The following TEK variants were observed in gnomAD, a reference collection of about 807,000 sequenced individuals.
The protein encoded by TEK is TEK receptor tyrosine kinase.
Under a neutral mutation model 131.8 loss-of-function variants are expected in TEK, and 43 were observed. The ratio of observed to expected loss-of-function variants is 0.33; its 90% CI spans 0.26 to 0.42. The LOEUF is 0.42. Ranked by LOEUF, TEK falls within the 10% of genes least tolerant of loss-of-function variation. The pLI, the probability that TEK is intolerant of heterozygous loss-of-function variation, is 1.00. For missense variants in TEK, 1,162 were observed against 1,384.4 expected (o/e 0.84, Z 2.55); for synonymous variants, 580 against 491.6 (o/e 1.18, Z -2.38).
intron 4 of TEK, among the ~76,000 whole-genome samples, chr9:27,170,374 C>T (rs564014666): frequency 2.6e-5 from 4 of 152,210 alleles, no homozygotes; most frequent in South Asian, 4.1e-4. Flanking sequence ...TACGGTGGCT[C>T]ATGCCTGTAA....
intron 1 of TEK, among the ~76,000 whole-genome samples, chr9:27,142,711 A>G (rs562349665): frequency 1.6e-4 from 25 of 152,344 alleles, no homozygotes; most frequent in African/African-American, 5.8e-4. Flanking sequence ...ACTGTGCCCA[A>G]CTTTGTTAGG....
chr9:27,183,052 A>C (rs1327297750), intron 7 of TEK, among the ~76,000 whole-genome samples: 1 of 152,176 alleles, frequency 6.6e-6, no homozygotes, highest in African/African-American at 2.4e-5. Context: ...TGAGTGGAGG[A>C]AGAACTAGTT....
intron 1 of TEK, among the ~76,000 whole-genome samples, chr9:27,112,931 A>G (rs1413548152): frequency 6.6e-6 from 1 of 152,266 alleles, no homozygotes; most frequent in Non-Finnish European, 1.5e-5. Context: ...CACAAAAGTC[A>G]TGGAAGACAA....
At chr9:27,204,471 C>A (rs594949) in intron 13 of TEK, among the ~76,000 whole-genome samples, 4 of 151,942 alleles carry the variant, frequency 2.6e-5, no homozygotes, top group African/African-American at 7.2e-5. Context: ...AAACAAAATA[C>A]CTGATAGACT....
intron 1 of TEK, among the ~76,000 whole-genome samples, chr9:27,151,624 T>C (rs1158067909): frequency 1.3e-5 from 2 of 152,206 alleles, no homozygotes; most frequent in African/African-American, 4.8e-5. Flanking sequence ...ATAAGCATCT[T>C]GTAATTCTCT....
intron 1 of TEK, among the ~76,000 whole-genome samples, chr9:27,120,739 G>A (rs1006224738): frequency 5.3e-5 from 8 of 152,180 alleles, no homozygotes; most frequent in Admixed American, 6.5e-5. Context: ...AGATATACTC[G>A]ACTGGGCTCT....
At chr9:27,137,934 G>C (rs1224742508) in intron 1 of TEK, among the ~76,000 whole-genome samples, 1 of 152,148 alleles carries the variant, frequency 6.6e-6, no homozygotes, top group African/African-American at 2.4e-5. Context: ...TGTGTCCAGA[G>C]TTTGTTCCTT....
chr9:27,145,162 G>A (rs1822868180), intron 1 of TEK, among the ~76,000 whole-genome samples: 1 of 152,142 alleles, frequency 6.6e-6, no homozygotes, highest in South Asian at 2.1e-4. Flanking sequence ...TCTCCCCAAG[G>A]CTGCCACCAC....
At chr9:27,175,832 G>T (rs909454845) in intron 6 of TEK, among the ~76,000 whole-genome samples, 10 of 152,120 alleles carry the variant, frequency 6.6e-5, no homozygotes, top group Non-Finnish European at 1.2e-4. Context: ...TTTTGATGGG[G>T]TTGTTTGTTT....
chr9:27,171,439 GT>G lies in TEK; in HGVS notation c.629-1176del, dbSNP rs561727747. On this transcript the variant is annotated intron_variant, in intron 4 of 22. Transcript: ENST00000380036. ...GAATACAGGATCATAAGATAAATCC[GT>G]GTCCTTTGGGTCATTCCCAATCAGA... is the stretch of plus-strand genomic sequence containing the variant. 8.3e-4 allele frequency among the ~76,000 whole-genome samples: 127 copies of G among 152,278 alleles called. 1 individual carries two copies. The highest frequency in any genetic ancestry group is 2.9e-3 in the African/African-American group (120 of 41,548).
At chr9:27,159,864 T>C (rs111525145) in intron 2 of TEK, among the ~76,000 whole-genome samples, 2 of 152,142 alleles carry the variant, frequency 1.3e-5, no homozygotes, top group African/African-American at 4.8e-5. Flanking sequence ...TGGAATGATC[T>C]GGCCTCTCCC....
intron 1 of TEK, among the ~76,000 whole-genome samples, chr9:27,119,782 C>G (rs1445262304): frequency 6.6e-6 from 1 of 152,192 alleles, no homozygotes; most frequent in Non-Finnish European, 1.5e-5. Context: ...TATCCCAAAC[C>G]TATTGATTCC....
At chr9:27,133,751 A>C (rs1444129676) in intron 1 of TEK, among the ~76,000 whole-genome samples, 1 of 152,050 alleles carries the variant, frequency 6.6e-6, no homozygotes, top group Non-Finnish European at 1.5e-5. Context: ...TGGGATCTTT[A>C]CCCCTATTTT....
chr9:27,222,085 A>T (rs561708), intron 21 of TEK, among the ~76,000 whole-genome samples: 99,202 of 152,118 alleles, frequency 0.65, 32,568 homozygotes, highest in East Asian at 0.8. Flanking sequence ...GAATACTTCT[A>T]GAAGCATACA....
chr9:27,223,618 G>C (rs1241578839), intron 21 of TEK, among the ~76,000 whole-genome samples: 2 of 152,188 alleles, frequency 1.3e-5, no homozygotes, highest in Non-Finnish European at 2.9e-5. Flanking sequence ...ATTTAAAGCA[G>C]TGTGTAGAGG....
chr9:27,164,224 T>C (rs1270019040), intron 2 of TEK, among the ~76,000 whole-genome samples: 1 of 152,178 alleles, frequency 6.6e-6, no homozygotes, highest in Non-Finnish European at 1.5e-5. Flanking sequence ...ATAATTGTAG[T>C]ACCTATCTCA....
At chr9:27,219,815 C>G (rs924646810) in intron 20 of TEK, among the ~76,000 whole-genome samples, 18 of 100,194 alleles carry the variant, frequency 1.8e-4, no homozygotes, top group African/African-American at 5.5e-4. Flanking sequence ...AGAACAGGCA[C>G]TAAGGAAGCC....
At chr9:27,226,502 G>A (rs1352865409) in intron 21 of TEK, among the ~76,000 whole-genome samples, 1 of 152,030 alleles carries the variant, frequency 6.6e-6, no homozygotes, top group Non-Finnish European at 1.5e-5. Flanking sequence ...AACATTGCAT[G>A]TTCTCACTCA....
chr9:27,201,354 AC>A (rs1175015619), intron 12 of TEK, among the ~76,000 whole-genome samples: 2 of 152,322 alleles, frequency 1.3e-5, no homozygotes, highest in Non-Finnish European at 2.9e-5. Context: ...GGCTTAGAAG[AC>A]CACTGGTTTA....
Sources: gnomAD v4.1 joint callset for allele counts (sites outside exome capture counted in the v4.1 genomes callset) on GRCh38, gnomAD v4.1.1 for gene constraint, MANE v1.5 for transcripts, NCBI Gene and HGNC (gene_info 2026-07-23, HGNC 2026-07-21) for gene names.